PEBP4: variants seen among roughly 807,000 people sequenced by gnomAD.
The protein encoded by PEBP4 is phosphatidylethanolamine-binding protein 4.
A neutral mutation model predicts 23.9 loss-of-function variants in PEBP4; 22 were observed. That is an observed-to-expected ratio of 0.92 (90% CI 0.66 to 1.31). The LOEUF is 1.31. PEBP4 is among the 40% of genes most tolerant of loss of function. The probability of loss-of-function intolerance (pLI) is 0.00; values close to 1 mark genes in which losing one functional copy is unlikely to be tolerated. For missense variants in PEBP4, 324 were observed against 281.7 expected (o/e 1.15, Z -1.07); for synonymous variants, 112 against 99.3 (o/e 1.13, Z -0.76).
intron 3 of PEBP4, among the ~76,000 whole-genome samples, chr8:22,856,982 A>G (rs1807665704): frequency 6.6e-6 from 1 of 152,142 alleles, no homozygotes; most frequent in Non-Finnish European, 1.5e-5. Context: ...TTCAGCCATT[A>G]AAAATGATAG....
intron 3 of PEBP4, among the ~76,000 whole-genome samples, chr8:22,838,965 T>C (rs1161179513): frequency 6.6e-6 from 1 of 152,184 alleles, no homozygotes; most frequent in African/African-American, 2.4e-5. Flanking sequence ...CCTCACTCCA[T>C]CTGTTCTCTG....
chr8:22,784,459 G>A (rs192033646), intron 4 of PEBP4, among the ~76,000 whole-genome samples: 36 of 152,340 alleles, frequency 2.4e-4, no homozygotes, highest in Admixed American at 4.6e-4. Flanking sequence ...TGAGGCAATG[G>A]AGTAGCTGAG....
chr8:22,734,837 G>A (rs754944463), intron 4 of PEBP4, among the ~76,000 whole-genome samples: 1 of 152,178 alleles, frequency 6.6e-6, no homozygotes, highest in African/African-American at 2.4e-5. Flanking sequence ...GGTTGTGGGA[G>A]AATGATTTGC....
chr8:22,775,253 T>C lies in PEBP4; in HGVS notation c.357+42384A>G, dbSNP rs1805792351. Among the ~76,000 whole-genome samples the C allele has an allele frequency of 6.6e-6, 1 of 152,168 alleles. No homozygotes were observed. The highest frequency in any genetic ancestry group is 2.1e-4 in the South Asian group (1 of 4,830). On this transcript the variant is annotated intron_variant, in intron 4 of 6. Transcript: ENST00000256404. This position sits in a 1 kb window ranked among gnomAD's most constrained non-coding sequence, Gnocchi z 4.8. ...GAGAAAGCTGCCTCTCTCAGCAGCA[T>C]CTTTCAGGGACCCGGAAGCCCCAAG...
intron 6 of PEBP4, among the ~76,000 whole-genome samples, chr8:22,718,656 C>T (rs1378475800): frequency 1.3e-5 from 2 of 151,974 alleles, no homozygotes; most frequent in African/African-American, 4.8e-5. Flanking sequence ...GCGCCTCCTG[C>T]CACAAGCCCA....
intron 3 of PEBP4, among the ~76,000 whole-genome samples, chr8:22,844,193 A>C (rs1807380989): frequency 1.3e-5 from 2 of 152,234 alleles, no homozygotes; most frequent in African/African-American, 2.4e-5. Flanking sequence ...ACGAGACTGT[A>C]CTAAAGGAAA....
chr8:22,913,705 C>T (rs1249561330), intron 3 of PEBP4, among the ~76,000 whole-genome samples: 1 of 152,246 alleles, frequency 6.6e-6, no homozygotes, highest in Non-Finnish European at 1.5e-5. Context: ...CTAACTCCCA[C>T]CATTCACACC....
intron 4 of PEBP4, among the ~76,000 whole-genome samples, chr8:22,737,793 A>T (rs1804899579): frequency 6.6e-6 from 1 of 152,238 alleles, no homozygotes; most frequent in East Asian, 1.9e-4. Context: ...GGCGATGATA[A>T]CGATACCTGC....
intron 4 of PEBP4, among the ~76,000 whole-genome samples, chr8:22,774,197 C>G (rs1805771454): frequency 6.6e-6 from 1 of 152,324 alleles, no homozygotes; most frequent in East Asian, 1.9e-4. Context: ...TTTCTTTGCT[C>G]TCATCTTCCC....
intron 3 of PEBP4, among the ~76,000 whole-genome samples, chr8:22,831,595 C>G (rs986889402): frequency 6.6e-6 from 1 of 152,082 alleles, no homozygotes; most frequent in African/African-American, 2.4e-5. Context: ...TAGTAGCCTA[C>G]AGGGGGAGTT....
chr8:22,888,450 G>A (rs1432142743), intron 3 of PEBP4, among the ~76,000 whole-genome samples: 2 of 152,186 alleles, frequency 1.3e-5, no homozygotes, highest in Non-Finnish European at 2.9e-5. Context: ...AACCCATCCA[G>A]TTCTAAAAGG....
At chr8:22,790,059 T>A (rs754563820) in intron 4 of PEBP4, among the ~76,000 whole-genome samples, 1 of 152,204 alleles carries the variant, frequency 6.6e-6, no homozygotes, top group Non-Finnish European at 1.5e-5. Flanking sequence ...GGCCACTGAA[T>A]AGCCTGCTAG....
chr8:22,854,611 G>T (rs564376077), intron 3 of PEBP4, among the ~76,000 whole-genome samples: 1 of 152,038 alleles, frequency 6.6e-6, no homozygotes, highest in Non-Finnish European at 1.5e-5. Flanking sequence ...TTTTCTCCCC[G>T]TCTTCACTTA....
At chr8:22,905,668 G>A (rs1448559947) in intron 3 of PEBP4, among the ~76,000 whole-genome samples, 2 of 152,228 alleles carry the variant, frequency 1.3e-5, no homozygotes, top group Non-Finnish European at 2.9e-5. Flanking sequence ...CCGGAGGCAG[G>A]AGCCTGCCTG....
intron 6 of PEBP4, among the ~76,000 whole-genome samples, chr8:22,716,070 C>T (rs1415683535): frequency 6.6e-6 from 1 of 152,106 alleles, no homozygotes; most frequent in Non-Finnish European, 1.5e-5. Flanking sequence ...AGGGTAGGGG[C>T]AGTGTGGGCA....
intron 3 of PEBP4, among the ~76,000 whole-genome samples, chr8:22,898,977 C>T (rs1434860275): frequency 6.6e-6 from 1 of 152,150 alleles, no homozygotes; most frequent in African/African-American, 2.4e-5. Flanking sequence ...GTGGATAGTT[C>T]CAAGGAGGTG....
intron 3 of PEBP4, among the ~76,000 whole-genome samples, chr8:22,826,488 C>T (rs1293280685): frequency 6.6e-6 from 1 of 152,102 alleles, no homozygotes; most frequent in Non-Finnish European, 1.5e-5. Flanking sequence ...AATAAGTGAA[C>T]ATTGTTGGAA....
At chr8:22,840,532 G>A (rs774558334) in intron 3 of PEBP4, among the ~76,000 whole-genome samples, 14 of 151,818 alleles carry the variant, frequency 9.2e-5, no homozygotes, top group Non-Finnish European at 1.3e-4. Flanking sequence ...ATAAGCCACC[G>A]TGCCCAGCCT....
Position 22,839,854 on chromosome 8 carries a change from CCAAACCCCAATTGGAATGGCTGAGGAG to C in PEBP4, c.259-22146_259-22120del, listed in dbSNP as rs557740290. On this transcript the variant is annotated intron_variant, in intron 3 of 6. Transcript: ENST00000256404. The stretch of plus-strand genomic sequence containing the variant: ...AAAATGGTGTTTTTTACCCCCTCGC[CCAAACCCCAATTGGAATGGCTGAGGAG>C]GGAGGCAATGTTGAGCTTTTTAGGA... Among the ~76,000 whole-genome samples, 392 of 152,222 alleles carry C rather than the reference CCAAACCCCAATTGGAATGGCTGAGGAG, an allele frequency of 2.6e-3. 3 individuals carry two copies. The highest frequency in any genetic ancestry group is 8.3e-3 in the African/African-American group (344 of 41,522).
Sources: allele counts gnomAD v4.1 joint callset (sites outside exome capture counted in the v4.1 genomes callset), GRCh38; gene constraint gnomAD v4.1.1; non-coding constraint Gnocchi (gnomAD v3.1); transcripts MANE v1.5; gene names NCBI Gene and HGNC (gene_info 2026-07-23, HGNC 2026-07-21).